Variants in MYLK observed in about 807,000 individuals in gnomAD.
MYLK encodes the protein myosin light chain kinase.
Under a neutral mutation model 203.4 loss-of-function variants are expected in MYLK, and 106 were observed. The ratio of observed to expected loss-of-function variants is 0.52; its 90% CI spans 0.45 to 0.61. MYLK has a LOEUF of 0.61. Among genes scored for constraint, MYLK ranks in the 20% least tolerant of loss-of-function variants. The pLI is 0.00. For synonymous variants in MYLK, 867 were observed against 959.5 expected (o/e 0.90, Z 1.78); for missense variants, 2,072 against 2,442.3 (o/e 0.85, Z 3.20).
At position 123,701,420 on chromosome 3, in the gene MYLK, G is replaced by C; in HGVS notation, c.2462+18C>G. The C allele has an allele frequency of 6.2e-7, 1 of 1,613,580 alleles. No homozygotes were observed. Among genetic ancestry groups the C allele is most frequent in the Non-Finnish European group, 8.5e-7 (1 of 1,179,614 alleles). ...GATGGGGGCATGGCCTGGAGGGGCA[G>C]CTCCTGGGGGCACTCACCGTGGAAG... On this transcript the variant is annotated intron_variant, in intron 17 of 33. Transcript: ENST00000360304.
intron 24 of MYLK, among the ~76,000 whole-genome samples, chr3:123,649,622 G>A (rs1019762255): frequency 2.6e-5 from 4 of 152,170 alleles, no homozygotes; most frequent in African/African-American, 7.2e-5. Flanking sequence ...CATTGTTGAC[G>A]GCATCCCAGC....
intron 33 of MYLK, chr3:123,617,045 C>T (rs776416431): frequency 6.6e-6 from 1 of 152,064 alleles, no homozygotes; most frequent in Non-Finnish European, 1.5e-5. Flanking sequence ...ATTAGGAACA[C>T]CCAGACCATG....
At chr3:123,869,120 T>C (rs2032555508) in intron 2 of MYLK, among the ~76,000 whole-genome samples, 1 of 152,102 alleles carries the variant, frequency 6.6e-6, no homozygotes, top group African/African-American at 2.4e-5. Flanking sequence ...CTAGGAGCTG[T>C]AGTGCCCTTA....
At chr3:123,833,338 A>AC (rs1192217560) in intron 2 of MYLK, among the ~76,000 whole-genome samples, 1 of 151,860 alleles carries the variant, frequency 6.6e-6, no homozygotes, top group Non-Finnish European at 1.5e-5. Flanking sequence ...ATCTGCTGCC[A>AC]CCCCCCTCAA....
At chr3:123,838,460 A>C (rs1353333800) in intron 2 of MYLK, among the ~76,000 whole-genome samples, 2 of 152,224 alleles carry the variant, frequency 1.3e-5, no homozygotes, top group African/African-American at 4.8e-5. Context: ...CAAACAAATA[A>C]ACTAAGATCT....
chr3:123,666,138 G>A (rs572746654), intron 22 of MYLK, 81 bp downstream of exon 22: 278 of 1,607,424 alleles, frequency 1.7e-4, no homozygotes, highest in African/African-American at 4.3e-4. Flanking sequence ...TCTCCAGCAC[G>A]GCATTTCTCA....
At chr3:123,636,632 C>A (rs1032638222) in intron 29 of MYLK, among the ~76,000 whole-genome samples, 2 of 152,196 alleles carry the variant, frequency 1.3e-5, no homozygotes, top group African/African-American at 4.8e-5. Context: ...GGCAGGCTGG[C>A]CCCGCCCCCT....
At chr3:123,807,585 C>A (rs1371718009) in intron 3 of MYLK, among the ~76,000 whole-genome samples, 1 of 152,192 alleles carries the variant, frequency 6.6e-6, no homozygotes, top group East Asian at 1.9e-4. Flanking sequence ...AATCCCTTGC[C>A]CAGGGAAAAC....
intron 5 of MYLK, among the ~76,000 whole-genome samples, chr3:123,744,910 A>G (rs987519323): frequency 7.2e-5 from 11 of 152,212 alleles, no homozygotes; most frequent in African/African-American, 2.7e-4. Flanking sequence ...TAATATTAAG[A>G]GTTTTAAGTC....
chr3:123,763,375 ATTCCCTCACCATCCTCTTGGAAATTTCT>A (rs916038515), intron 4 of MYLK, among the ~76,000 whole-genome samples: 2 of 152,202 alleles, frequency 1.3e-5, no homozygotes, highest in Non-Finnish European at 2.9e-5. Flanking sequence ...GTCCTGGGAC[ATTCCCTCACCATCCTCTTGGAAATTTCT>A]CATTCTATGC....
chr3:123,726,429 T>C (rs2062289056), intron 11 of MYLK, among the ~76,000 whole-genome samples: 1 of 152,214 alleles, frequency 6.6e-6, no homozygotes, highest in Non-Finnish European at 1.5e-5. Context: ...TTCCTGCTTG[T>C]TGGTCCTACT....
At chr3:123,782,796 G>C (rs9883035) in intron 4 of MYLK, among the ~76,000 whole-genome samples, 11,498 of 152,154 alleles carry the variant, frequency 0.076, 1,452 homozygotes, top group African/African-American at 0.26. Flanking sequence ...ATCTAGACAG[G>C]GCCAGCCATC....
At chr3:123,808,157 G>T (rs972099899) in intron 3 of MYLK, among the ~76,000 whole-genome samples, 1 of 152,182 alleles carries the variant, frequency 6.6e-6, no homozygotes, top group Non-Finnish European at 1.5e-5. Context: ...GCAGAGGGCT[G>T]TCTCTCTCCC....
chr3:123,680,773 A>G (rs1294580414), intron 20 of MYLK, among the ~76,000 whole-genome samples: 3 of 152,194 alleles, frequency 2.0e-5, no homozygotes, highest in African/African-American at 4.8e-5. Context: ...GTCTGAGTTA[A>G]CCCGGCTCAA....
rs1309641314 is a variant in MYLK, at chr3:123,611,842, A to G, written c.*2263T>C. On this transcript the variant is annotated 3_prime_UTR_variant, in exon 34 of 34. Transcript: ENST00000360304. ...AAGGAGCGTGAAACCTAGATCCCTC[A>G]CATGAGCAGTTCACAATAGAGTTCG... 6.5e-6 allele frequency: 1 copy of G among 153,090 alleles called. No individual in the cohort carries two copies. Among genetic ancestry groups the G allele is most frequent in the Non-Finnish European group, 1.5e-5 (1 of 68,826 alleles). 9.5% of individuals were successfully genotyped at this position (153,090 alleles called of 1,614,324 possible).
intron 29 of MYLK, among the ~76,000 whole-genome samples, chr3:123,631,634 A>C (rs1377423182): frequency 6.6e-6 from 1 of 152,216 alleles, no homozygotes; most frequent in African/African-American, 2.4e-5. Flanking sequence ...TGTAAAGAGA[A>C]GAAAGCTTTT....
At position 123,700,962 on chromosome 3, in the gene MYLK, C is replaced by T. The variant is rs1164306894; in HGVS notation, c.2506G>A (p.Val836Ile). ...ASCEDLCGGG[V>I]GADGGGSDRY... ...TCACTACCACCACCATCAGCACCAA[C>T]TCCTCCACCACAGAGGTCCTCGCAG... Residue 836 changes from valine (V) to isoleucine (I), a missense_variant, in exon 18 of 34, where the codon GTT becomes ATT. Transcript: ENST00000360304. The T allele has an allele frequency of 6.2e-7, 1 of 1,609,770 alleles. No homozygotes were observed. The highest frequency in any genetic ancestry group is 8.5e-7 in the Non-Finnish European group (1 of 1,180,012).
intron 4 of MYLK, among the ~76,000 whole-genome samples, chr3:123,778,548 G>A (rs1576942286): frequency 6.7e-6 from 1 of 148,760 alleles, no homozygotes. Flanking sequence ...CAATCTATAA[G>A]TCAGCAATAT....
chr3:123,684,192 T>C (rs1242605824), intron 19 of MYLK, among the ~76,000 whole-genome samples: 1 of 152,214 alleles, frequency 6.6e-6, no homozygotes, highest in African/African-American at 2.4e-5. Context: ...GAAGCACGTG[T>C]GCCAGGGTAT....
Sources: allele counts gnomAD v4.1 joint callset (sites outside exome capture counted in the v4.1 genomes callset), GRCh38; gene constraint gnomAD v4.1.1; transcripts MANE v1.5; gene names NCBI Gene and HGNC (gene_info 2026-07-23, HGNC 2026-07-21).